Variants in PTN observed in about 807,000 individuals in gnomAD.
PTN encodes the protein heparin affin regulatory protein.
Under a neutral mutation model 24.1 loss-of-function variants are expected in PTN, and 18 were observed. The ratio of observed to expected loss-of-function variants is 0.75; its 90% CI spans 0.52 to 1.11. The LOEUF is 1.11. PTN is among the 50% of genes least tolerant of loss of function. The pLI, the probability that PTN is intolerant of heterozygous loss-of-function variation, is 0.00. For synonymous variants in PTN, 78 were observed against 68.6 expected, an observed-to-expected ratio of 1.14 and a Z score of -0.67; for missense variants, 163 against 198.8, an observed-to-expected ratio of 0.82 and a Z score of 1.08.
intron 1 of PTN, among the ~76,000 whole-genome samples, chr7:137,319,236 G>A (rs1042197423): frequency 6.6e-6 from 1 of 152,134 alleles, no homozygotes; most frequent in Admixed American, 6.5e-5. Flanking sequence ...TCTGTAAAAT[G>A]GGATTAATTA....
chr7:137,271,592 C>A (rs1261047926), intron 1 of PTN, among the ~76,000 whole-genome samples: 2 of 152,190 alleles, frequency 1.3e-5, no homozygotes, highest in African/African-American at 4.8e-5. Flanking sequence ...TTCTGGGGAG[C>A]CAAATGAGTT....
At chr7:137,300,433 C>T (rs1809787892) in intron 1 of PTN, among the ~76,000 whole-genome samples, 1 of 151,886 alleles carries the variant, frequency 6.6e-6, no homozygotes, top group Admixed American at 6.6e-5. Flanking sequence ...TACCTGCCCT[C>T]AAAGATCACA....
At chr7:137,321,894 T>TA (rs957591246) in intron 1 of PTN, among the ~76,000 whole-genome samples, 5 of 152,124 alleles carry the variant, frequency 3.3e-5, no homozygotes, top group Non-Finnish European at 5.9e-5. Flanking sequence ...CTAGGATAAG[T>TA]AAAAAAAAGT....
intron 1 of PTN, among the ~76,000 whole-genome samples, chr7:137,310,094 T>C (rs959378720): frequency 2.0e-5 from 3 of 152,210 alleles, no homozygotes; most frequent in African/African-American, 7.2e-5. Context: ...ATGAATGTCA[T>C]ATTAGCAGGC....
chr7:137,274,525 C>A (rs562828024), intron 1 of PTN, among the ~76,000 whole-genome samples: 53 of 152,164 alleles, frequency 3.5e-4, no homozygotes, highest in Non-Finnish European at 7.2e-4. Flanking sequence ...CCCCCACCCC[C>A]CGACAGGCCC....
chr7:137,233,163 T>C (rs1808458618), intron 4 of PTN, among the ~76,000 whole-genome samples: 2 of 152,036 alleles, frequency 1.3e-5, no homozygotes, highest in East Asian at 1.9e-4. Flanking sequence ...TGCTAACGTA[T>C]TAAGTGACAC....
At chr7:137,305,080 G>A (rs944346981) in intron 1 of PTN, among the ~76,000 whole-genome samples, 5 of 151,986 alleles carry the variant, frequency 3.3e-5, no homozygotes, top group Non-Finnish European at 7.4e-5. Context: ...ATGTCCTCAC[G>A]TTCAACCGAC....
intron 1 of PTN, among the ~76,000 whole-genome samples, chr7:137,259,299 G>C (rs927244345): frequency 2.0e-5 from 3 of 151,982 alleles, no homozygotes; most frequent in African/African-American, 7.2e-5. Context: ...GTAAATACAG[G>C]GAAAGGATGC....
intron 1 of PTN, among the ~76,000 whole-genome samples, chr7:137,302,362 A>G (rs949850226): frequency 3.9e-5 from 6 of 152,014 alleles, no homozygotes; most frequent in African/African-American, 1.4e-4. Context: ...TAGTAACATA[A>G]TATTTAACTA....
chr7:137,314,427 A>G (rs537018632), intron 1 of PTN, among the ~76,000 whole-genome samples: 23 of 152,328 alleles, frequency 1.5e-4, no homozygotes, highest in African/African-American at 5.5e-4. Context: ...GTGTAGCACA[A>G]TGCAAAGTTT....
intron 1 of PTN, among the ~76,000 whole-genome samples, chr7:137,320,657 A>G: frequency 6.6e-6 from 1 of 152,214 alleles, no homozygotes; most frequent in East Asian, 1.9e-4. Context: ...AAGGATTCCA[A>G]ATACGGAATA....
At chr7:137,236,015 C>T (rs994683087) in intron 4 of PTN, 2 of 591,264 alleles carry the variant, frequency 3.4e-6, no homozygotes, top group Non-Finnish European at 3.0e-6. Flanking sequence ...GAAAGTTTAG[C>T]TATGAAAGCA....
At chr7:137,255,962 G>A (rs1808915157) in intron 1 of PTN, among the ~76,000 whole-genome samples, 1 of 152,116 alleles carries the variant, frequency 6.6e-6, no homozygotes, top group Non-Finnish European at 1.5e-5. Flanking sequence ...TATGATCATA[G>A]GCTGATAATT....
intron 1 of PTN, among the ~76,000 whole-genome samples, chr7:137,289,986 C>G (rs974857005): frequency 5.3e-5 from 8 of 152,148 alleles, no homozygotes; most frequent in Non-Finnish European, 1.0e-4. Context: ...TAAAGACATA[C>G]TGGAGACCAG....
chr7:137,295,228 G>A (rs1809701061), intron 1 of PTN, among the ~76,000 whole-genome samples: 1 of 152,176 alleles, frequency 6.6e-6, no homozygotes, highest in Non-Finnish European at 1.5e-5. Context: ...ACAATGAATA[G>A]CACAGGCTCA....
At chr7:137,329,621 A>G (rs186381334) in intron 1 of PTN, among the ~76,000 whole-genome samples, 2 of 152,294 alleles carry the variant, frequency 1.3e-5, no homozygotes, top group African/African-American at 4.8e-5. Flanking sequence ...TCATGTCACA[A>G]TTTTGCACTA....
chr7:137,255,679 T>C (rs1312660053), intron 1 of PTN, among the ~76,000 whole-genome samples: 1 of 152,252 alleles, frequency 6.6e-6, no homozygotes. Flanking sequence ...CACTCACTCA[T>C]AATAGGAAAT....
intron 4 of PTN, among the ~76,000 whole-genome samples, chr7:137,241,337 CAG>C (rs1188127520): frequency 1.3e-5 from 2 of 152,166 alleles, no homozygotes; most frequent in African/African-American, 4.8e-5. Flanking sequence ...AACTATTTCA[CAG>C]AGTTTTGTGA....
At chr7:137,309,373 T>G (rs1166689971) in intron 1 of PTN, among the ~76,000 whole-genome samples, 5 of 152,208 alleles carry the variant, frequency 3.3e-5, no homozygotes, top group Non-Finnish European at 7.3e-5. Context: ...TGCCTAGATG[T>G]TGATGGCTGC....
Sources: gnomAD v4.1 joint callset for allele counts (sites outside exome capture counted in the v4.1 genomes callset) on GRCh38, gnomAD v4.1.1 for gene constraint, MANE v1.5 for transcripts, NCBI Gene and HGNC (gene_info 2026-07-23, HGNC 2026-07-21) for gene names.